AKAP1: variants seen among roughly 807,000 people sequenced by gnomAD.
AKAP1 encodes the protein A-kinase anchor protein 1, mitochondrial.
In AKAP1, 32 loss-of-function variants were observed where a neutral mutation model predicts 79.8. The ratio of observed to expected loss-of-function variants is 0.40; its 90% CI spans 0.30 to 0.54. The LOEUF is 0.54. AKAP1 is among the 20% of genes least tolerant of loss of function. AKAP1 has a pLI of 0.47. For synonymous variants in AKAP1, 416 were observed against 466.7 expected (o/e 0.89, Z 1.40); for missense variants, 961 against 1,138.9 (o/e 0.84, Z 2.25).
chr17:57,097,772 G>A (rs951677134), intron 1 of AKAP1, among the ~76,000 whole-genome samples: 2 of 152,238 alleles, frequency 1.3e-5, no homozygotes, highest in Non-Finnish European at 2.9e-5. Flanking sequence ...TGGAAGAAAT[G>A]TTCAAATTCC....
Position 57,113,594 on chromosome 17 carries a change from C to CTTTT in AKAP1, c.2104-842_2104-839dup, listed in dbSNP as rs1036422001. On this transcript the variant is annotated intron_variant, in intron 5 of 10. Coordinates refer to ENST00000337714, the MANE Select transcript of AKAP1 (RefSeq NM_003488.4). ...GGAGGCTCGGTCGTAGACTCACTCT[C>CTTTT]TTTTTTTTTTTTTTTTTTTTTTTTT... 3.2e-4 allele frequency among the ~76,000 whole-genome samples: 26 copies of CTTTT among 82,512 alleles called. 1 individual carries two copies. The highest frequency in any genetic ancestry group is 1.1e-3 in the African/African-American group (18 of 17,028). The allele number at this position is 82,512 out of a possible 152,430, so 54.1% of individuals were successfully genotyped here.
chr17:57,101,262 G>A (rs1250927151), intron 1 of AKAP1, among the ~76,000 whole-genome samples: 1 of 152,108 alleles, frequency 6.6e-6, no homozygotes, highest in African/African-American at 2.4e-5. Flanking sequence ...GCAGTGGCAC[G>A]ATCTCAGCTC....
Position 57,102,589 on chromosome 17 carries a change from C to T in AKAP1, c.-24-2852C>T, listed in dbSNP as rs867318801. On this transcript the variant is annotated intron_variant, in intron 1 of 10. Coordinates refer to ENST00000337714, the MANE Select transcript of AKAP1 (RefSeq NM_003488.4). Reference sequence around the variant, plus strand: ...CAAGTGATTCTCCCGCTCAGCCTCCCGAGTAGCTGGGAGTACAGGCTCCCG... The same window carrying T: ...CAAGTGATTCTCCCGCTCAGCCTCCTGAGTAGCTGGGAGTACAGGCTCCCG... Among the ~76,000 whole-genome samples, 6 of 151,718 alleles carry T rather than the reference C, an allele frequency of 4.0e-5. No individual in the cohort carries two copies. In the East Asian group the frequency reaches 5.8e-4, roughly 15 times the overall value.
At chr17:57,090,012 C>T (rs1014419770) in intron 1 of AKAP1, among the ~76,000 whole-genome samples, 5 of 152,184 alleles carry the variant, frequency 3.3e-5, no homozygotes, top group African/African-American at 7.2e-5. Context: ...GATCTCAGTG[C>T]GGCCCTTCTC....
At chr17:57,099,405 C>T (rs1567901194) in intron 1 of AKAP1, among the ~76,000 whole-genome samples, 1 of 152,120 alleles carries the variant, frequency 6.6e-6, no homozygotes, top group Non-Finnish European at 1.5e-5. Flanking sequence ...ACACCTGGTT[C>T]CTGATTGCTC....
Position 57,106,767 on chromosome 17 carries a change from T to TA in AKAP1, c.1304dup (p.Tyr435Ter). ...PAEGSPPPKT[Y>*]VSCLKSLLSS... ...AGAGGGCTCACCACCACCAAAGACC[T>TA]ACGTGAGCTGCCTGAAGAGCCTTCT... is the stretch of plus-strand genomic sequence containing the variant. Residue 435 changes from tyrosine to a stop codon, truncating the protein, a stop_gained and frameshift_variant, in exon 2 of 11, where the codon TAC becomes TAAC. Transcript: ENST00000337714. LOFTEE classifies it high-confidence loss of function. 6.2e-7 allele frequency: 1 copy of TA among 1,614,050 alleles called. No individual in the cohort carries two copies. Among genetic ancestry groups the TA allele is most frequent in the Non-Finnish European group, 8.5e-7 (1 of 1,180,016 alleles).
At chr17:57,090,890 C>T (rs1913744465) in intron 1 of AKAP1, among the ~76,000 whole-genome samples, 2 of 152,240 alleles carry the variant, frequency 1.3e-5, no homozygotes, top group African/African-American at 4.8e-5. Flanking sequence ...AATTTCCCGA[C>T]ACCTGTCAGA....
chr17:57,090,204 G>A (rs946686914), intron 1 of AKAP1, among the ~76,000 whole-genome samples: 3 of 152,100 alleles, frequency 2.0e-5, no homozygotes, highest in Admixed American at 2.0e-4. Flanking sequence ...GGTGTGCTTT[G>A]TTTGAACCCT....
At chr17:57,105,165 A>G (rs1224785908) in intron 1 of AKAP1, among the ~76,000 whole-genome samples, 1 of 152,088 alleles carries the variant, frequency 6.6e-6, no homozygotes, top group African/African-American at 2.4e-5. Flanking sequence ...GAAGGGAGGG[A>G]TTTGGGTTAA....
At chr17:57,112,868 C>T (rs942937767) in intron 5 of AKAP1, among the ~76,000 whole-genome samples, 1 of 144 alleles carries the variant, frequency 6.9e-3, no homozygotes, top group Admixed American at 0.1. Context: ...TTTCCTGGCT[C>T]TCCCCCTGGG....
At chr17:57,097,090 G>A (rs990422441) in intron 1 of AKAP1, among the ~76,000 whole-genome samples, 4 of 151,790 alleles carry the variant, frequency 2.6e-5, no homozygotes, top group Admixed American at 6.6e-5. Flanking sequence ...TCTTTGTCTC[G>A]CCTGACCAGC....
At chr17:57,095,246 C>G (rs1298137087) in intron 1 of AKAP1, 1 of 152,042 alleles carries the variant, frequency 6.6e-6, no homozygotes, top group African/African-American at 2.4e-5. Flanking sequence ...ACTGCAACCT[C>G]TGCCTCCTGG....
At chr17:57,117,463 T>G (rs1915657035) in intron 8 of AKAP1, among the ~76,000 whole-genome samples, 1 of 152,166 alleles carries the variant, frequency 6.6e-6, no homozygotes, top group South Asian at 2.1e-4. Context: ...AGATCTGGTG[T>G]GTAGAGGGTG....
intron 1 of AKAP1, chr17:57,095,560 C>T (rs1250521357): frequency 6.6e-6 from 1 of 151,162 alleles, no homozygotes; most frequent in Non-Finnish European, 1.5e-5. Context: ...AATTTGTGTC[C>T]CACCATGCTT....
chr17:57,094,796 T>G (rs1913995680), intron 1 of AKAP1: 1 of 151,870 alleles, frequency 6.6e-6, no homozygotes, highest in South Asian at 2.1e-4. Flanking sequence ...AATTTTTTTT[T>G]GTAGAGATGA....
At chr17:57,116,955 G>T in intron 8 of AKAP1, 28 bp downstream of exon 8, 1 of 1,604,222 alleles carries the variant, frequency 6.2e-7, no homozygotes, top group Non-Finnish European at 8.5e-7. Flanking sequence ...TGGCTTGGGG[G>T]ATTGTTGGGG....
intron 1 of AKAP1, chr17:57,094,809 T>A (rs1254780109): frequency 6.6e-6 from 1 of 151,744 alleles, no homozygotes; most frequent in African/African-American, 2.4e-5. Flanking sequence ...AGAGATGAGG[T>A]CTCACCACAT....
intron 1 of AKAP1, chr17:57,094,778 T>C (rs1913994285): frequency 6.6e-6 from 1 of 151,836 alleles, no homozygotes; most frequent in Non-Finnish European, 1.5e-5. Context: ...GCCCGACTAA[T>C]TCTTTTAAAT....
At position 57,103,048 on chromosome 17, in the gene AKAP1, C is replaced by T. The variant is rs1428168602; in HGVS notation, c.-24-2393C>T. Reference sequence around the variant, plus strand: ...GAGCCGAGATCACACCACTGCACTCCAGCCTGGACGACAGCGAGATAAAAG... The same window carrying T: ...GAGCCGAGATCACACCACTGCACTCTAGCCTGGACGACAGCGAGATAAAAG... On this transcript the variant is annotated intron_variant, in intron 1 of 10. Transcript: ENST00000337714. Among the ~76,000 whole-genome samples, 3 of 152,132 alleles carry T rather than the reference C, an allele frequency of 2.0e-5. No homozygotes were observed. In the East Asian group the frequency reaches 5.8e-4, roughly 29 times the overall value.
Sources: gnomAD v4.1 joint callset for allele counts (sites outside exome capture counted in the v4.1 genomes callset) on GRCh38, gnomAD v4.1.1 for gene constraint, MANE v1.5 for transcripts, NCBI Gene and HGNC (gene_info 2026-07-23, HGNC 2026-07-21) for gene names.